Variants in DLC1 observed in about 807,000 individuals in gnomAD.
The protein encoded by DLC1 is rho GTPase-activating protein 7.
Under a neutral mutation model 140.3 loss-of-function variants are expected in DLC1, and 54 were observed. The ratio of observed to expected loss-of-function variants is 0.38; its 90% CI spans 0.31 to 0.48. DLC1 has a LOEUF of 0.48. Ranked by LOEUF, DLC1 falls within the 20% of genes least tolerant of loss-of-function variation. The probability of loss-of-function intolerance (pLI) is 0.96; values close to 1 mark genes in which losing one functional copy is unlikely to be tolerated. For synonymous variants in DLC1, 986 were observed against 728.1 expected (o/e 1.35, Z -5.70); for missense variants, 2,536 against 1,907.0 (o/e 1.33, Z -6.14).
At chr8:13,108,076 G>A (rs912958770) in intron 7 of DLC1, among the ~76,000 whole-genome samples, 15 of 151,954 alleles carry the variant, frequency 9.9e-5, no homozygotes, top group Admixed American at 5.2e-4. Context: ...AAAGGAAGCT[G>A]CTTGAAATAC....
intron 2 of DLC1, among the ~76,000 whole-genome samples, chr8:13,464,896 C>G (rs1799862907): frequency 6.6e-6 from 1 of 151,636 alleles, no homozygotes; most frequent in African/African-American, 2.4e-5. Flanking sequence ...ACCACTACTA[C>G]TACTATTTAT....
chr8:13,384,966 G>C (rs926455978), intron 4 of DLC1, among the ~76,000 whole-genome samples: 4 of 152,042 alleles, frequency 2.6e-5, no homozygotes, highest in Non-Finnish European at 5.9e-5. Flanking sequence ...AATTTGTTTA[G>C]TCTAGAATTT....
chr8:13,397,336 C>T (rs574449162), intron 3 of DLC1, among the ~76,000 whole-genome samples: 38 of 152,152 alleles, frequency 2.5e-4, no homozygotes, highest in African/African-American at 9.2e-4. Context: ...AGAGGAGCCA[C>T]TGAAGGGTCT....
chr8:13,548,253 T>G (rs951699358), intron 1 of DLC1, among the ~76,000 whole-genome samples: 3 of 152,030 alleles, frequency 2.0e-5, no homozygotes, highest in African/African-American at 7.2e-5. Context: ...CCTCACTAGG[T>G]TAGCTGAATG....
chr8:13,214,354 C>T (rs538516250), intron 5 of DLC1: 175 of 331,534 alleles, frequency 5.3e-4, no homozygotes, highest in Admixed American at 1.0e-3. Flanking sequence ...AGGAAAGTTT[C>T]CCTTTTAGCT....
intron 1 of DLC1, chr8:13,567,012 G>T: frequency 6.5e-7 from 1 of 1,550,154 alleles, no homozygotes; most frequent in Non-Finnish European, 8.7e-7. Flanking sequence ...GCCCAGAATT[G>T]GCCCAAACGG....
At chr8:13,361,210 C>A (rs551067016) in intron 4 of DLC1, among the ~76,000 whole-genome samples, 1 of 151,956 alleles carries the variant, frequency 6.6e-6, no homozygotes, top group Non-Finnish European at 1.5e-5. Context: ...CCAGCCTGGG[C>A]GACGGAGTGA....
At chr8:13,428,235 A>G (rs574092669) in intron 2 of DLC1, among the ~76,000 whole-genome samples, 2 of 152,290 alleles carry the variant, frequency 1.3e-5, no homozygotes, top group South Asian at 2.1e-4. Context: ...ATGGCAAGAG[A>G]CGCTGTGTGC....
At chr8:13,181,067 T>C (rs1826002246) in intron 5 of DLC1, among the ~76,000 whole-genome samples, 1 of 152,152 alleles carries the variant, frequency 6.6e-6, no homozygotes, top group Non-Finnish European at 1.5e-5. Context: ...CCACTGTCCC[T>C]TCTGTTACCT....
At chr8:13,562,058 G>C (rs1160532711) in intron 1 of DLC1, among the ~76,000 whole-genome samples, 1 of 152,032 alleles carries the variant, frequency 6.6e-6, no homozygotes, top group Non-Finnish European at 1.5e-5. Flanking sequence ...TAGAACAGGG[G>C]ATTCTGCACC....
intron 4 of DLC1, among the ~76,000 whole-genome samples, chr8:13,353,046 A>G (rs1405024150): frequency 6.6e-6 from 1 of 152,174 alleles, no homozygotes; most frequent in Non-Finnish European, 1.5e-5. Context: ...CCATATATAT[A>G]TAGTCCCAGA....
At chr8:13,355,119 AATT>A (rs1303269626) in intron 4 of DLC1, among the ~76,000 whole-genome samples, 12 of 4,794 alleles carry the variant, frequency 2.5e-3, no homozygotes, top group Non-Finnish European at 5.9e-3. Flanking sequence ...TACCATAAAG[AATT>A]AATTATTCAA....
At chr8:13,543,456 G>A (rs1261621812) in intron 1 of DLC1, among the ~76,000 whole-genome samples, 1 of 152,000 alleles carries the variant, frequency 6.6e-6, no homozygotes, top group African/African-American at 2.4e-5. Flanking sequence ...AGGATTGTTG[G>A]ATCAAATTGT....
intron 4 of DLC1, among the ~76,000 whole-genome samples, chr8:13,382,413 A>C (rs1427104405): frequency 1.4e-5 from 2 of 143,530 alleles, no homozygotes; most frequent in Non-Finnish European, 3.0e-5. Flanking sequence ...AGGCTGAGGC[A>C]GGAGAATGGC....
At chr8:13,380,018 C>T (rs916240235) in intron 4 of DLC1, among the ~76,000 whole-genome samples, 1 of 152,184 alleles carries the variant, frequency 6.6e-6, no homozygotes, top group Non-Finnish European at 1.5e-5. Context: ...TTCTAGATCT[C>T]AGCAGCAAAC....
intron 2 of DLC1, among the ~76,000 whole-genome samples, chr8:13,402,078 G>A (rs1037907369): frequency 2.0e-4 from 30 of 151,186 alleles, no homozygotes; most frequent in African/African-American, 7.3e-4. Context: ...AGAACTAAGC[G>A]AGGCAAGTTT....
At position 13,366,383 on chromosome 8, in the gene DLC1, G is replaced by A. The variant is rs1356164795; in HGVS notation, c.1314+27170C>T. On this transcript the variant is annotated intron_variant, in intron 4 of 17. Transcript: ENST00000276297. ...GTGATTAAGATGGACACTGTCCATGGCCCCATGAAACTTGCAGTCTATGGA... is the reference window on the plus strand; with the variant it reads ...GTGATTAAGATGGACACTGTCCATGACCCCATGAAACTTGCAGTCTATGGA... Among the ~76,000 whole-genome samples the A allele has an allele frequency of 4.6e-5, 7 of 152,164 alleles. 1 individual carries two copies. Among genetic ancestry groups the A allele is most frequent in the Non-Finnish European group, 8.8e-5 (6 of 68,034 alleles).
At chr8:13,088,399 T>C (rs955836566) in intron 16 of DLC1, 88 bp downstream of exon 16, 11 of 1,444,878 alleles carry the variant, frequency 7.6e-6, no homozygotes, top group South Asian at 2.6e-5. Context: ...TTTAAATAAT[T>C]ATACCATCTT....
chr8:13,085,222 G>C lies in DLC1; in HGVS notation c.*589C>G, dbSNP rs1341465066. The C allele has an allele frequency of 1.3e-5, 2 of 152,590 alleles. No individual in the cohort carries two copies. Among genetic ancestry groups the C allele is most frequent in the African/African-American group, 4.8e-5 (2 of 41,446 alleles). The allele number at this position is 152,590 out of a possible 1,614,324, so 9.5% of individuals were successfully genotyped here. A position where few individuals can be genotyped will look rare whatever the true frequency, so the allele number is the denominator to read the frequency against. On this transcript the variant is annotated 3_prime_UTR_variant, in exon 18 of 18. Coordinates refer to ENST00000276297, the MANE Select transcript of DLC1 (RefSeq NM_182643.3). ...TGGGCCCCCTTTCTGGGTGGATTCAGGGGTAGTCAGATATTCCAGGTTAAA... is the reference window on the plus strand; with the variant it reads ...TGGGCCCCCTTTCTGGGTGGATTCACGGGTAGTCAGATATTCCAGGTTAAA...
Sources: allele counts gnomAD v4.1 joint callset (sites outside exome capture counted in the v4.1 genomes callset), GRCh38; gene constraint gnomAD v4.1.1; transcripts MANE v1.5; gene names NCBI Gene and HGNC (gene_info 2026-07-23, HGNC 2026-07-21).